The following EPHA4 variants were observed in gnomAD, a reference collection of about 807,000 sequenced individuals.
EPHA4 encodes the protein EPH receptor A4, also known as ephrin type-A receptor 4.
A neutral mutation model predicts 108.3 loss-of-function variants in EPHA4; 19 were observed. The observed-to-expected ratio is 0.18, with a 90% CI of 0.12 to 0.26. The LOEUF is 0.26. Ranked by LOEUF, EPHA4 falls within the 10% of genes least tolerant of loss-of-function variation. The probability of loss-of-function intolerance (pLI) is 1.00; values close to 1 mark genes in which losing one functional copy is unlikely to be tolerated. For synonymous variants in EPHA4, 449 were observed against 455.5 expected (o/e 0.99, Z 0.18); for missense variants, 917 against 1,254.0 (o/e 0.73, Z 4.06).
intron 4 of EPHA4, among the ~76,000 whole-genome samples, chr2:221,499,693 A>T (rs1425965476): frequency 1.4e-5 from 2 of 141,290 alleles, no homozygotes; most frequent in Non-Finnish European, 3.1e-5. Context: ...AAATAATAAT[A>T]GTCATAATGA....
At chr2:221,514,113 C>T (rs529151719) in intron 3 of EPHA4, among the ~76,000 whole-genome samples, 1 of 151,528 alleles carries the variant, frequency 6.6e-6, no homozygotes, top group African/African-American at 2.4e-5. Flanking sequence ...TGAAAATCTA[C>T]TTAATGCATT....
intron 5 of EPHA4, among the ~76,000 whole-genome samples, chr2:221,471,209 G>A (rs1259014684): frequency 6.6e-6 from 1 of 152,000 alleles, no homozygotes; most frequent in Non-Finnish European, 1.5e-5. Flanking sequence ...AGCTATTACT[G>A]TTTTAGGACT....
chr2:221,451,252 A>C (rs1559246463), intron 8 of EPHA4, among the ~76,000 whole-genome samples: 1 of 152,200 alleles, frequency 6.6e-6, no homozygotes, highest in Non-Finnish European at 1.5e-5. Context: ...TTTGGAAAAA[A>C]CACTGCCCTA....
At chr2:221,473,568 A>AC (rs1553575067) in intron 5 of EPHA4, among the ~76,000 whole-genome samples, 2 of 150,878 alleles carry the variant, frequency 1.3e-5, no homozygotes. Context: ...AAAAAAAAAA[A>AC]AAAAAACTAT....
At chr2:221,495,179 A>G (rs1011516115) in intron 4 of EPHA4, among the ~76,000 whole-genome samples, 1 of 152,220 alleles carries the variant, frequency 6.6e-6, no homozygotes, top group African/African-American at 2.4e-5. Flanking sequence ...TGGTTGTATG[A>G]TTCTACCCAG....
chr2:221,569,806 T>C (rs1481161829), intron 1 of EPHA4, among the ~76,000 whole-genome samples: 2 of 152,086 alleles, frequency 1.3e-5, no homozygotes, highest in Non-Finnish European at 2.9e-5. Context: ...ACACTCAAGC[T>C]TACCCCCAGA....
At chr2:221,483,500 TTGTGTGTGTG>T (rs58143142) in intron 4 of EPHA4, among the ~76,000 whole-genome samples, 99 of 143,796 alleles carry the variant, frequency 6.9e-4, no homozygotes, top group African/African-American at 2.3e-3. Flanking sequence ...TGATGTAGAT[TTGTGTGTGTG>T]TGTGTGTGTG....
chr2:221,492,547 C>T (rs1207188562), intron 4 of EPHA4, among the ~76,000 whole-genome samples: 1 of 152,140 alleles, frequency 6.6e-6, no homozygotes, highest in Non-Finnish European at 1.5e-5. Flanking sequence ...AAAAACCATC[C>T]ACTTGGTTGT....
At chr2:221,504,827 G>A (rs1343451838) in intron 3 of EPHA4, among the ~76,000 whole-genome samples, 1 of 152,122 alleles carries the variant, frequency 6.6e-6, no homozygotes, top group Non-Finnish European at 1.5e-5. Flanking sequence ...AACTTGTCCA[G>A]GGTCATACAG....
intron 4 of EPHA4, among the ~76,000 whole-genome samples, chr2:221,489,392 A>G (rs1692075773): frequency 6.6e-6 from 1 of 152,236 alleles, no homozygotes; most frequent in Non-Finnish European, 1.5e-5. Context: ...AAAACTGTGG[A>G]AAAAAGTAAG....
chr2:221,550,092 G>A (rs930867827), intron 3 of EPHA4, among the ~76,000 whole-genome samples: 1 of 152,164 alleles, frequency 6.6e-6, no homozygotes, highest in Middle Eastern at 3.2e-3. Context: ...AGAAACAGAG[G>A]CTAAAAAGAT....
rs1468487723 is a variant in EPHA4 at position 221,561,346 on chromosome 2, G to A, written c.823+2385C>T. Among the ~76,000 whole-genome samples, 3 of 151,928 alleles carry A rather than the reference G, an allele frequency of 2.0e-5. No individual in the cohort carries two copies. In the East Asian group the frequency reaches 5.8e-4, roughly 29 times the overall value. On this transcript the variant is annotated intron_variant, in intron 3 of 17. Transcript: ENST00000281821. Reference sequence around the variant, plus strand: ...TAACTACATCAGAAATTTTTACATGGCAATAACAGAAACAAACAACCAAAG... The same window carrying A: ...TAACTACATCAGAAATTTTTACATGACAATAACAGAAACAAACAACCAAAG...
upstream of EPHA4, chr2:221,572,339 A>G (rs878979007): frequency 2.9e-5 from 35 of 1,196,292 alleles, no homozygotes; most frequent in Middle Eastern, 1.6e-3. Flanking sequence ...GACATTGCCA[A>G]GGGGGCGGGC....
chr2:221,426,721 T>C (rs1172986809), intron 15 of EPHA4, 102 bp from the exon 16 acceptor site: 2 of 1,068,426 alleles, frequency 1.9e-6, no homozygotes, highest in Non-Finnish European at 2.7e-6. Context: ...ACTGAAAAGC[T>C]AAGGGAAGGT....
intron 2 of EPHA4, among the ~76,000 whole-genome samples, chr2:221,566,598 A>G (rs1694634573): frequency 6.6e-6 from 1 of 151,938 alleles, no homozygotes. Context: ...AATAATGCTT[A>G]AAATGTTACA....
intron 3 of EPHA4, among the ~76,000 whole-genome samples, chr2:221,560,160 T>G (rs1418061849): frequency 1.4e-5 from 2 of 143,034 alleles, no homozygotes; most frequent in Non-Finnish European, 3.1e-5. Flanking sequence ...ATTTAAGATC[T>G]TAATCAATCT....
At chr2:221,432,550 G>A (rs62178655) in intron 14 of EPHA4, among the ~76,000 whole-genome samples, 28,642 of 152,094 alleles carry the variant, frequency 0.19, 4,050 homozygotes, top group African/African-American at 0.4. Flanking sequence ...AGATAATACA[G>A]TGTGAACACT....
chr2:221,426,412 A>T, intron 16 of EPHA4, 52 bp downstream of exon 16: 1 of 1,548,464 alleles, frequency 6.5e-7, no homozygotes, highest in Non-Finnish European at 8.7e-7. Context: ...AAAAAAAGAA[A>T]ATACTATTAA....
At chr2:221,561,077 C>T (rs1404921535) in intron 3 of EPHA4, among the ~76,000 whole-genome samples, 1 of 152,062 alleles carries the variant, frequency 6.6e-6, no homozygotes, top group African/African-American at 2.4e-5. Flanking sequence ...CCCGTCTCTA[C>T]TAAAAATACA....
Sources: gnomAD v4.1 joint callset for allele counts (sites outside exome capture counted in the v4.1 genomes callset) on GRCh38, gnomAD v4.1.1 for gene constraint, MANE v1.5 for transcripts, NCBI Gene and HGNC (gene_info 2026-07-23, HGNC 2026-07-21) for gene names.